WWOX: variants seen among roughly 807,000 people sequenced by gnomAD.
The protein encoded by WWOX is WW domain containing oxidoreductase.
A neutral mutation model predicts 46.2 loss-of-function variants in WWOX; 69 were observed. The ratio of observed to expected loss-of-function variants is 1.49; its 90% confidence interval spans 1.23 to 1.82. WWOX has a LOEUF of 1.82. WWOX is among the 40% of genes most tolerant of loss of function. The pLI is 0.00. For synonymous variants in WWOX, 359 were observed against 202.6 expected, an observed-to-expected ratio of 1.77 and a Z score of -6.56; for missense variants, 919 against 542.6, an observed-to-expected ratio of 1.69 and a Z score of -6.89.
chr16:78,391,540 T>C (rs1329476293), intron 6 of WWOX, among the ~76,000 whole-genome samples: 1 of 152,194 alleles, frequency 6.6e-6, no homozygotes, highest in Non-Finnish European at 1.5e-5. Flanking sequence ...GTATTGGTTA[T>C]GTATTGCCGA....
intron 5 of WWOX, among the ~76,000 whole-genome samples, chr16:78,186,880 C>T (rs548051709): frequency 1.3e-5 from 2 of 152,276 alleles, no homozygotes; most frequent in South Asian, 4.1e-4. Flanking sequence ...AACCCAGCTT[C>T]CCCAGTGATA....
intron 8 of WWOX, among the ~76,000 whole-genome samples, chr16:78,502,068 C>T (rs1567609504): frequency 6.6e-6 from 1 of 152,190 alleles, no homozygotes; most frequent in South Asian, 2.1e-4. Context: ...TCTCTGGATG[C>T]TAATGCTATT....
chr16:78,681,238 C>CATAAATAA (rs377376006), intron 8 of WWOX, among the ~76,000 whole-genome samples: 4 of 151,788 alleles, frequency 2.6e-5, no homozygotes, highest in African/African-American at 7.3e-5. Context: ...AAGACTGTCT[C>CATAAATAA]ATAAATAAAT....
In WWOX at chr16:78,424,284, AT is replaced by A. The variant is rs201673922; in HGVS notation, c.606-578del. 2.0e-5 allele frequency among the ~76,000 whole-genome samples: 3 copies of A among 150,368 alleles called. No homozygotes were observed. The East Asian group carries it at 5.9e-4, about 29-fold the overall frequency. On this transcript the variant is annotated intron_variant, in intron 6 of 8. Transcript: ENST00000566780. The stretch of plus-strand genomic sequence containing the variant: ...AGACATATACCACCACACCTGGCTA[AT>A]TTTTTTTGTGTTTTGACAGAGATGG...
At chr16:78,261,504 C>G (rs2079233095) in intron 5 of WWOX, among the ~76,000 whole-genome samples, 1 of 150,548 alleles carries the variant, frequency 6.6e-6, no homozygotes, top group South Asian at 2.1e-4. Flanking sequence ...AATTCCATTT[C>G]TCTTCTGCAG....
intron 8 of WWOX, chr16:79,206,833 G>A (rs567110011): frequency 6.6e-6 from 1 of 152,310 alleles, no homozygotes; most frequent in Non-Finnish European, 1.5e-5. Flanking sequence ...CCTCATTCCT[G>A]TATAGGCTGC....
intron 8 of WWOX, among the ~76,000 whole-genome samples, chr16:78,911,291 G>C (rs1436592046): frequency 1.3e-5 from 2 of 152,024 alleles, no homozygotes; most frequent in Non-Finnish European, 1.5e-5. Context: ...TTGCCTATGG[G>C]ACATGTTCCC....
chr16:78,957,219 A>C (rs56090947), intron 8 of WWOX, among the ~76,000 whole-genome samples: 2,862 of 152,304 alleles, frequency 0.019, 77 homozygotes, highest in African/African-American at 0.064. Context: ...CTTTTCCAGC[A>C]AACCACACCG....
chr16:78,168,386 T>C (rs1276641997), intron 5 of WWOX: 1 of 152,018 alleles, frequency 6.6e-6, no homozygotes, highest in African/African-American at 2.4e-5. Flanking sequence ...ATATGCTGTG[T>C]CAGGCACTTT....
At chr16:78,567,066 A>G (rs1481504637) in intron 8 of WWOX, among the ~76,000 whole-genome samples, 2 of 152,190 alleles carry the variant, frequency 1.3e-5, no homozygotes, top group Admixed American at 6.5e-5. Context: ...ACCCTAAGTG[A>G]TAGGTGTATT....
At chr16:78,753,828 A>ATATATATG (rs1567537510) in intron 8 of WWOX, among the ~76,000 whole-genome samples, 2 of 63,592 alleles carry the variant, frequency 3.1e-5, no homozygotes, top group Non-Finnish European at 2.9e-5. Context: ...AAAAAAAAAT[A>ATATATATG]TATATATATA....
At chr16:78,190,093 T>G (rs1477208810) in intron 5 of WWOX, among the ~76,000 whole-genome samples, 8 of 151,318 alleles carry the variant, frequency 5.3e-5, no homozygotes, top group Non-Finnish European at 1.0e-4. Flanking sequence ...GTGAGGGGGG[T>G]GGTGGTAATT....
chr16:78,919,259 C>G (rs1052540258), intron 8 of WWOX, among the ~76,000 whole-genome samples: 2 of 152,070 alleles, frequency 1.3e-5, no homozygotes, highest in African/African-American at 4.8e-5. Context: ...CACCCCCCCA[C>G]TCTTAGCCCA....
chr16:78,338,642 A>G (rs1448327354), intron 5 of WWOX, among the ~76,000 whole-genome samples: 1 of 121,252 alleles, frequency 8.2e-6, no homozygotes, highest in East Asian at 1.9e-4. Flanking sequence ...ATAATCTGCT[A>G]TAAATTCAGT....
rs376531420 is a variant in WWOX at position 78,136,365 on chromosome 16, C to G, written c.409+21211C>G. Among the ~76,000 whole-genome samples, 14 of 152,266 alleles carry G rather than the reference C, an allele frequency of 9.2e-5. 1 individual carries two copies. The East Asian group carries it at 2.7e-3, about 29-fold the overall frequency. ...AATATACATTCAGATTCATAACAGG[C>G]TTATTTGATTCCCAGGACAGGGTGA... is the stretch of plus-strand genomic sequence containing the variant. On this transcript the variant is annotated intron_variant, in intron 4 of 8. Coordinates refer to ENST00000566780, the MANE Select transcript of WWOX (RefSeq NM_016373.4).
intron 8 of WWOX, among the ~76,000 whole-genome samples, chr16:78,532,509 C>T (rs1056410003): frequency 4.6e-5 from 7 of 152,128 alleles, no homozygotes; most frequent in African/African-American, 1.2e-4. Context: ...TAAGAAACAG[C>T]AGGCATAGTT....
intron 7 of WWOX, among the ~76,000 whole-genome samples, chr16:78,428,071 A>G (rs1334800329): frequency 1.3e-5 from 2 of 152,198 alleles, no homozygotes; most frequent in African/African-American, 4.8e-5. Context: ...CTGTTTCAGA[A>G]AACAAAAACC....
chr16:78,258,225 G>A (rs1350563209), intron 5 of WWOX, among the ~76,000 whole-genome samples: 1 of 152,096 alleles, frequency 6.6e-6, no homozygotes, highest in Non-Finnish European at 1.5e-5. Flanking sequence ...TCATATCATA[G>A]CATTAATAAC....
At chr16:78,600,068 C>A (rs373329980) in intron 8 of WWOX, among the ~76,000 whole-genome samples, 8 of 152,220 alleles carry the variant, frequency 5.3e-5, no homozygotes, top group African/African-American at 1.7e-4. Flanking sequence ...TCATATCTTA[C>A]ATGGTTGGCA....
Sources: gnomAD v4.1 joint callset for allele counts (sites outside exome capture counted in the v4.1 genomes callset) on GRCh38, gnomAD v4.1.1 for gene constraint, MANE v1.5 for transcripts, NCBI Gene and HGNC (gene_info 2026-07-23, HGNC 2026-07-21) for gene names.